Variants in KALRN observed in about 807,000 individuals in gnomAD.
KALRN encodes kalirin.
In KALRN, 70 loss-of-function variants were observed where a neutral mutation model predicts 353.7. That is an observed-to-expected ratio of 0.20 (90% confidence interval 0.16 to 0.24). KALRN has a LOEUF of 0.24. Among genes scored for constraint, KALRN ranks in the 10% least tolerant of loss-of-function variants. The pLI is 1.00. For synonymous variants in KALRN, 1,391 were observed against 1,434.8 expected (o/e 0.97, Z 0.69); for missense variants, 2,791 against 3,756.7 (o/e 0.74, Z 6.72).
chr3:124,476,683 A>ATTGT (rs2061456894), intron 26 of KALRN, among the ~76,000 whole-genome samples: 1 of 152,138 alleles, frequency 6.6e-6, no homozygotes, highest in Non-Finnish European at 1.5e-5. Flanking sequence ...GTTAGGAACC[A>ATTGT]TTGTTTAGCC....
intron 34 of KALRN, among the ~76,000 whole-genome samples, chr3:124,567,932 G>A (rs1444149394): frequency 3.3e-5 from 5 of 151,994 alleles, no homozygotes; most frequent in African/African-American, 4.8e-5. Flanking sequence ...CTGTGTTCAC[G>A]CCACTGCACT....
At chr3:124,637,085 G>A (rs1018797640) in intron 36 of KALRN, 123 bp from the exon 37 acceptor site, 21 of 776,794 alleles carry the variant, frequency 2.7e-5, no homozygotes, top group African/African-American at 1.3e-4. Flanking sequence ...CACCTCTTCC[G>A]TCTAAACACA....
chr3:124,534,444 G>T (rs1016336959), intron 33 of KALRN, among the ~76,000 whole-genome samples: 4 of 152,140 alleles, frequency 2.6e-5, no homozygotes, highest in Non-Finnish European at 5.9e-5. Context: ...AAACCTAGAT[G>T]ATGGGTTGAC....
chr3:124,503,532 T>C (rs1417526022), intron 33 of KALRN, among the ~76,000 whole-genome samples: 1 of 152,180 alleles, frequency 6.6e-6, no homozygotes, highest in Admixed American at 6.5e-5. Flanking sequence ...AGTTCCTTTG[T>C]TACTTTTATC....
chr3:124,045,914 AAGGT>A (rs2040434455), intron 1 of KALRN, among the ~76,000 whole-genome samples: 1 of 152,186 alleles, frequency 6.6e-6, no homozygotes, highest in Admixed American at 6.5e-5. Flanking sequence ...AATGGATGAA[AAGGT>A]AGTGCAAACA....
At chr3:124,283,070 C>T (rs2075507689) in intron 5 of KALRN, among the ~76,000 whole-genome samples, 5 of 152,204 alleles carry the variant, frequency 3.3e-5, no homozygotes, top group Admixed American at 3.3e-4. Context: ...AGAGGGGCTC[C>T]CAAAGAAAGA....
chr3:124,463,225 CA>C (rs1577133792), intron 25 of KALRN, among the ~76,000 whole-genome samples: 1 of 152,178 alleles, frequency 6.6e-6, no homozygotes, highest in Non-Finnish European at 1.5e-5. Flanking sequence ...AAAGGATCAG[CA>C]AAAAAATTGG....
chr3:124,596,670 A>G (rs2076294545), intron 34 of KALRN, among the ~76,000 whole-genome samples: 1 of 152,196 alleles, frequency 6.6e-6, no homozygotes, highest in Non-Finnish European at 1.5e-5. Flanking sequence ...GGTTTTTGCA[A>G]GGCTTAGGTG....
At chr3:124,307,692 A>C (rs1236267900) in intron 6 of KALRN, among the ~76,000 whole-genome samples, 1 of 151,962 alleles carries the variant, frequency 6.6e-6, no homozygotes, top group Non-Finnish European at 1.5e-5. Flanking sequence ...TCACTTATGC[A>C]AAAAAAGCAG....
At chr3:124,717,438 G>C in intron 59 of KALRN, 53 bp downstream of exon 59, 1 of 1,415,514 alleles carries the variant, frequency 7.1e-7, no homozygotes, top group Non-Finnish European at 9.5e-7. Flanking sequence ...TGAAATCCCA[G>C]CACTTTGGGA....
chr3:124,258,373 C>T (rs1415370339), intron 3 of KALRN, among the ~76,000 whole-genome samples: 1 of 152,164 alleles, frequency 6.6e-6, no homozygotes, highest in Non-Finnish European at 1.5e-5. Context: ...AGTGAATGAC[C>T]AGTCTCTCTG....
chr3:124,296,104 G>A (rs747169589), intron 5 of KALRN, among the ~76,000 whole-genome samples: 4 of 152,202 alleles, frequency 2.6e-5, no homozygotes, highest in Non-Finnish European at 5.9e-5. Flanking sequence ...TCCAAATCAT[G>A]CACGTTTGCC....
rs764993437 is a variant in KALRN at position 124,637,277 on chromosome 3, A to G, written c.5638A>G (p.Ile1880Val). Residue 1880 changes from isoleucine to valine, a missense_variant, in exon 37 of 60, where the codon ATA becomes GTA. Physicochemically the swap from Ile to Val is conservative, Grantham distance 29. Around this residue, in one of 11 missense-constraint regions of KALRN, gnomAD observed 1,065 missense variants for 1,156.4 expected, o/e 0.92. Transcript: ENST00000682506. ...TACTGCTGCAGACCTTGTCAATGCA[A>G]TAGAAAAGTTGGTCAAAAACAAGCT... is the stretch of plus-strand genomic sequence containing the variant. The part of the protein sequence containing the change: ...VPTAADLVNA[I>V]EKLVKNKLSL... 3 of 1,614,158 alleles carry G rather than the reference A, an allele frequency of 1.9e-6. No homozygotes were observed. In the East Asian group the frequency reaches 6.7e-5, roughly 36 times the overall value.
intron 15 of KALRN, among the ~76,000 whole-genome samples, chr3:124,427,370 A>G (rs2093067943): frequency 6.6e-6 from 1 of 152,226 alleles, no homozygotes; most frequent in Non-Finnish European, 1.5e-5. Context: ...TCCTGTGGCT[A>G]GCGTTTCAGA....
intron 4 of KALRN, among the ~76,000 whole-genome samples, chr3:124,267,972 C>G (rs1229341088): frequency 6.6e-6 from 1 of 152,200 alleles, no homozygotes; most frequent in Non-Finnish European, 1.5e-5. Flanking sequence ...AGTTAATAAG[C>G]ATAGGGCTGG....
chr3:124,362,924 A>T (rs2084220432), intron 10 of KALRN, among the ~76,000 whole-genome samples: 1 of 151,872 alleles, frequency 6.6e-6, no homozygotes, highest in African/African-American at 2.4e-5. Flanking sequence ...GATTATTTGG[A>T]TGTAGATCTT....
intron 1 of KALRN, among the ~76,000 whole-genome samples, chr3:124,102,320 A>G (rs1415071451): frequency 6.6e-6 from 1 of 152,182 alleles, no homozygotes; most frequent in Non-Finnish European, 1.5e-5. Flanking sequence ...CCTCACCAGC[A>G]ACCTTCATAT....
At chr3:124,136,725 G>A (rs1242774955) in intron 1 of KALRN, among the ~76,000 whole-genome samples, 8 of 152,204 alleles carry the variant, frequency 5.3e-5, no homozygotes, top group African/African-American at 1.9e-4. Flanking sequence ...GTAGAGGTTT[G>A]AGGCAGCCAG....
chr3:124,300,699 G>T (rs1306028821), intron 6 of KALRN, among the ~76,000 whole-genome samples: 1 of 152,202 alleles, frequency 6.6e-6, no homozygotes, highest in Admixed American at 6.5e-5. Context: ...CTAGCACACT[G>T]AAAGATGTTA....
Sources: allele counts gnomAD v4.1 joint callset (sites outside exome capture counted in the v4.1 genomes callset), GRCh38; gene constraint gnomAD v4.1.1; regional missense constraint gnomAD v4.1.1; transcripts MANE v1.5; gene names NCBI Gene and HGNC (gene_info 2026-07-23, HGNC 2026-07-21).